Variants in RFFL observed in about 807,000 individuals in gnomAD.
RFFL encodes the protein ring finger and FYVE like domain containing E3 ubiquitin protein ligase, also known as E3 ubiquitin-protein ligase rififylin.
Under a neutral mutation model 40.4 loss-of-function variants are expected in RFFL, and 16 were observed. The ratio of observed to expected loss-of-function variants is 0.40; its 90% CI spans 0.27 to 0.60. RFFL has a LOEUF of 0.60. Ranked by LOEUF, RFFL falls within the 20% of genes least tolerant of loss-of-function variation. The pLI is 0.47. For synonymous variants in RFFL, 154 were observed against 167.9 expected (o/e 0.92, Z 0.64); for missense variants, 367 against 451.7 (o/e 0.81, Z 1.70).
chr17:35,031,488 T>A (rs1351722542), intron 1 of RFFL, among the ~76,000 whole-genome samples: 1 of 152,060 alleles, frequency 6.6e-6, no homozygotes, highest in African/African-American at 2.4e-5. Flanking sequence ...CTGTTTCCAG[T>A]GCTAGGTAAG....
intron 1 of RFFL, among the ~76,000 whole-genome samples, chr17:35,052,497 T>TA (rs2091237475): frequency 6.7e-6 from 1 of 149,842 alleles, no homozygotes; most frequent in Non-Finnish European, 1.5e-5. Flanking sequence ...AAAATCTGGG[T>TA]AAAAAAAAGG....
chr17:35,023,157 G>A (rs962306085), intron 2 of RFFL, among the ~76,000 whole-genome samples: 15 of 152,210 alleles, frequency 9.9e-5, no homozygotes. Context: ...ATCCTGTGTT[G>A]ACTTAAGTAG....
chr17:35,069,140 T>C (rs2091334471), intron 1 of RFFL, among the ~76,000 whole-genome samples: 1 of 152,194 alleles, frequency 6.6e-6, no homozygotes, highest in African/African-American at 2.4e-5. Context: ...GAATTCATCA[T>C]TCTTCTTTTC....
In RFFL at chr17:35,037,830, T is replaced by C. The variant is rs186541661; in HGVS notation, c.-8-11269A>G. ...CCTCTGAGCTTTTGCTTTCCATCTC[T>C]ACAGGAACTTTCCTATCATCATACA... On this transcript the variant is annotated intron_variant, in intron 1 of 6. Transcript: ENST00000394597. 7.2e-5 allele frequency among the ~76,000 whole-genome samples: 11 copies of C among 152,320 alleles called. No individual in the cohort carries two copies. The East Asian group carries it at 2.1e-3, about 29-fold the overall frequency.
chr17:35,017,394 C>A, intron 4 of RFFL, 129 bp downstream of exon 4: 1 of 671,502 alleles, frequency 1.5e-6, no homozygotes. Context: ...AAACCCTACC[C>A]CAAAAATATA....
intron 1 of RFFL, among the ~76,000 whole-genome samples, chr17:35,033,398 C>G (rs557831926): frequency 6.6e-6 from 1 of 151,832 alleles, no homozygotes; most frequent in Non-Finnish European, 1.5e-5. Flanking sequence ...TATGGTAGCA[C>G]GCGCCTGTAA....
In RFFL at chr17:35,030,446, T is replaced by C. The variant is rs557949256; in HGVS notation, c.-8-3885A>G. Among the ~76,000 whole-genome samples, 216 of 152,096 alleles carry C rather than the reference T, an allele frequency of 1.4e-3. 4 individuals are homozygous for C. Among genetic ancestry groups the C allele is most frequent in the African/African-American group, 5.1e-3 (213 of 41,396 alleles). Reference sequence around the variant, plus strand: ...TTTGCATTTCTCTGATGGCCAGTGATGGTGAGCATTTTTTTGTGTGTGTTT... The same window carrying C: ...TTTGCATTTCTCTGATGGCCAGTGACGGTGAGCATTTTTTTGTGTGTGTTT... On this transcript the variant is annotated intron_variant, in intron 1 of 6. Transcript: ENST00000394597.
At position 35,009,775 on chromosome 17, in the gene RFFL, G is replaced by C. The variant is rs1453930731; in HGVS notation, c.*2193C>G. On this transcript the variant is annotated 3_prime_UTR_variant, in exon 7 of 7. Coordinates refer to ENST00000394597, the MANE Select transcript of RFFL (RefSeq NM_001017368.2). ...AGGAGGGAAACTGAAGAGGAGGTAAGGCTTCAGCAGAGAAAGCAGGTTGTA... is the reference window on the plus strand; with the variant it reads ...AGGAGGGAAACTGAAGAGGAGGTAACGCTTCAGCAGAGAAAGCAGGTTGTA... 1 of 152,598 alleles carries C rather than the reference G, an allele frequency of 6.6e-6. No individual in the cohort carries two copies. Among genetic ancestry groups the C allele is most frequent in the Non-Finnish European group, 1.5e-5 (1 of 68,050 alleles). The allele number at this position is 152,598 out of a possible 1,614,324, so 9.5% of individuals were successfully genotyped here. A position where few individuals can be genotyped will look rare whatever the true frequency, so the allele number is the denominator to read the frequency against.
At chr17:35,081,628 A>AAC (rs1309812384) in intron 1 of RFFL, among the ~76,000 whole-genome samples, 2 of 152,296 alleles carry the variant, frequency 1.3e-5, no homozygotes, top group South Asian at 2.1e-4. Context: ...TAATTATATA[A>AAC]AGAGAGAGAG....
rs569734154 is a variant in RFFL, at chr17:35,047,295, T to G, written c.-9+16281A>C. ...GGAATTCTATCTAGGCTCAAAATTA[T>G]GCAATTTACCTTTCCAAAGTGGACT... is the stretch of plus-strand genomic sequence containing the variant. On this transcript the variant is annotated intron_variant, in intron 1 of 6. Coordinates refer to ENST00000394597, the MANE Select transcript of RFFL (RefSeq NM_001017368.2). Among the ~76,000 whole-genome samples, 7 of 152,334 alleles carry G rather than the reference T, an allele frequency of 4.6e-5. No individual in the cohort carries two copies. In the East Asian group the frequency reaches 1.4e-3, roughly 29 times the overall value.
intron 1 of RFFL, among the ~76,000 whole-genome samples, chr17:35,049,982 T>C (rs1301007793): frequency 6.6e-6 from 1 of 151,472 alleles, no homozygotes; most frequent in African/African-American, 2.4e-5. Flanking sequence ...CTCAGGAGGC[T>C]GAGGCAGGAG....
intron 1 of RFFL, among the ~76,000 whole-genome samples, chr17:35,071,208 A>C (rs974350690): frequency 2.0e-5 from 3 of 152,042 alleles, no homozygotes; most frequent in Admixed American, 6.5e-5. Context: ...AAAAAAAAAA[A>C]AAAAACAAAA....
chr17:35,007,623 T>C lies in RFFL; in HGVS notation c.*4345A>G, dbSNP rs892825590. On this transcript the variant is annotated 3_prime_UTR_variant, in exon 7 of 7. Transcript: ENST00000394597. ...CACAGCAGATGGACACATAATCTTG[T>C]TCTCCCAGGGGCTGCATTCTCAGTA... 3 of 152,310 alleles carry C rather than the reference T, an allele frequency of 2.0e-5. No homozygotes were observed. Among genetic ancestry groups the C allele is most frequent in the Admixed American group, 1.3e-4 (2 of 15,282 alleles). The allele number at this position is 152,310 out of a possible 1,614,324, so 9.4% of individuals were successfully genotyped here. A position where few individuals can be genotyped will look rare whatever the true frequency, so the allele number is the denominator to read the frequency against.
chr17:35,047,835 T>C (rs1220034528), intron 1 of RFFL, among the ~76,000 whole-genome samples: 1 of 151,390 alleles, frequency 6.6e-6, no homozygotes, highest in Admixed American at 6.6e-5. Flanking sequence ...CACTGCAGCC[T>C]CTGCCTCCCA....
At chr17:35,082,718 T>A (rs1300353705) in intron 1 of RFFL, among the ~76,000 whole-genome samples, 1 of 152,220 alleles carries the variant, frequency 6.6e-6, no homozygotes, top group Non-Finnish European at 1.5e-5. Flanking sequence ...TTGAGTTGCT[T>A]ACAATATACA....
At chr17:35,066,309 T>C (rs11868399), upstream of RFFL, among the ~76,000 whole-genome samples, 1 of 152,130 alleles carries the variant, frequency 6.6e-6, no homozygotes, top group Non-Finnish European at 1.5e-5. Context: ...CAGATTTACT[T>C]TCTTTTCTGC....
chr17:35,046,053 G>A (rs1023021038), intron 1 of RFFL, among the ~76,000 whole-genome samples: 3 of 149,998 alleles, frequency 2.0e-5, no homozygotes, highest in Non-Finnish European at 4.4e-5. Flanking sequence ...GACAGAAACT[G>A]CACAATTATG....
rs1390467887 is a variant in RFFL at position 35,006,802 on chromosome 17, G to C, written c.*5166C>G. ...AAGATCAAGGACCACTGCGCCCCCT[G>C]GCCACCCCACCGCCCCCCCCCAACT... On this transcript the variant is annotated 3_prime_UTR_variant, in exon 7 of 7. Transcript: ENST00000394597. The C allele has an allele frequency of 6.7e-6, 1 of 149,520 alleles. No individual in the cohort carries two copies. Among genetic ancestry groups the C allele is most frequent in the Non-Finnish European group, 1.5e-5 (1 of 67,986 alleles). The allele number at this position is 149,520 out of a possible 1,614,324, so 9.3% of individuals were successfully genotyped here.
chr17:35,064,748 G>A (rs1051347083), upstream of RFFL, among the ~76,000 whole-genome samples: 9 of 152,124 alleles, frequency 5.9e-5, no homozygotes, highest in Admixed American at 5.9e-4. Context: ...GTCTCACATG[G>A]CATGAACTCT....
Sources: allele counts gnomAD v4.1 joint callset (sites outside exome capture counted in the v4.1 genomes callset), GRCh38; gene constraint gnomAD v4.1.1; transcripts MANE v1.5; gene names NCBI Gene and HGNC (gene_info 2026-07-23, HGNC 2026-07-21).